TOP1MT: variants seen among roughly 807,000 people sequenced by gnomAD.
TOP1MT encodes DNA topoisomerase I, mitochondrial.
TOP1MT carries 80 observed loss-of-function variants against 73.9 expected under a neutral mutation model. That is an observed-to-expected ratio of 1.08 (90% CI 0.90 to 1.30). TOP1MT has a LOEUF of 1.30. Ranked by LOEUF, TOP1MT falls within the 50% of genes most tolerant of loss-of-function variation. The pLI is 0.00. For synonymous variants in TOP1MT, 338 were observed against 326.4 expected (o/e 1.04, Z -0.38); for missense variants, 815 against 808.0 (o/e 1.01, Z -0.10).
intron 3 of TOP1MT, among the ~76,000 whole-genome samples, chr8:143,327,990 C>T (rs1816752137): frequency 2.0e-5 from 3 of 152,146 alleles, no homozygotes; most frequent in South Asian, 4.1e-4. Flanking sequence ...TCTGTGCTGC[C>T]GAATTCAGCA....
At chr8:143,315,484 T>C (rs1245021953) in intron 12 of TOP1MT, among the ~76,000 whole-genome samples, 4 of 152,148 alleles carry the variant, frequency 2.6e-5, no homozygotes, top group African/African-American at 7.2e-5. Context: ...TTGCTTTGTA[T>C]ACAATAAATA....
upstream of TOP1MT, among the ~76,000 whole-genome samples, chr8:143,345,445 G>A (rs890801999): frequency 6.6e-6 from 1 of 152,224 alleles, no homozygotes; most frequent in Non-Finnish European, 1.5e-5. Flanking sequence ...TTGCAAACTC[G>A]ACACAGACAC....
chr8:143,356,214 C>T (rs1280498175), upstream of TOP1MT, among the ~76,000 whole-genome samples: 4 of 145,148 alleles, frequency 2.8e-5, no homozygotes, highest in African/African-American at 2.9e-5. Context: ...CCCCGGCCCA[C>T]GGCTGCTTGC....
At chr8:143,311,385 C>T (rs945369109) in intron 12 of TOP1MT, among the ~76,000 whole-genome samples, 1 of 152,110 alleles carries the variant, frequency 6.6e-6, no homozygotes, top group South Asian at 2.1e-4. Context: ...CCTTCGCACA[C>T]GCCACCATTA....
upstream of TOP1MT, among the ~76,000 whole-genome samples, chr8:143,349,302 C>A (rs1817281608): frequency 7.2e-6 from 1 of 138,798 alleles, no homozygotes; most frequent in African/African-American, 2.6e-5. Flanking sequence ...TCCCAGAGCC[C>A]CCCTCCCACC....
chr8:143,357,320 G>A (rs1209733665), upstream of TOP1MT, among the ~76,000 whole-genome samples: 2 of 151,630 alleles, frequency 1.3e-5, no homozygotes, highest in Non-Finnish European at 2.9e-5. Flanking sequence ...GCTGAGGTGG[G>A]AGGATCACTT....
chr8:143,357,191 T>C (rs1291666835), upstream of TOP1MT, among the ~76,000 whole-genome samples: 3 of 149,712 alleles, frequency 2.0e-5, no homozygotes, highest in Non-Finnish European at 4.4e-5. Context: ...CTCTTGAGCC[T>C]AGGCGTTCTA....
At chr8:143,343,972 GAC>G (rs1817176933) in intron 1 of TOP1MT, 2 of 152,448 alleles carry the variant, frequency 1.3e-5, no homozygotes. Flanking sequence ...GCAGACTGGA[GAC>G]ACAGTGAAAC....
chr8:143,342,420 G>A (rs1334840525), intron 2 of TOP1MT, among the ~76,000 whole-genome samples: 1 of 133,736 alleles, frequency 7.5e-6, no homozygotes, highest in East Asian at 2.2e-4. Flanking sequence ...TAGAGACAGA[G>A]TCTCGCTCTG....
At chr8:143,359,718 G>C (rs1022296074), upstream of TOP1MT, among the ~76,000 whole-genome samples, 5 of 152,114 alleles carry the variant, frequency 3.3e-5, no homozygotes, top group Non-Finnish European at 7.4e-5. Flanking sequence ...GGCGTCGTGC[G>C]CGGAGGGGGA....
chr8:143,353,584 T>C (rs540205428), intron 1 of TOP1MT, among the ~76,000 whole-genome samples: 1 of 152,202 alleles, frequency 6.6e-6, no homozygotes, highest in East Asian at 1.9e-4. Context: ...TCAACCAGAA[T>C]GGCCATAATG....
chr8:143,357,110 A>G (rs1817423355), upstream of TOP1MT, among the ~76,000 whole-genome samples: 1 of 148,958 alleles, frequency 6.7e-6, no homozygotes. Context: ...AAAAAAAAAA[A>G]GCTTCATGAG....
chr8:143,318,203 C>T, intron 8 of TOP1MT, 117 bp from the exon 9 acceptor site: 10 of 834,118 alleles, frequency 1.2e-5, no homozygotes, highest in East Asian at 2.5e-5. Context: ...GAAGGTGGCC[C>T]GAGCAGCATC....
Position 143,334,778 on chromosome 8 carries a change from G to A in TOP1MT, c.84C>T (p.Val28=), listed in dbSNP as rs746459873. 3.1e-6 allele frequency: 5 copies of A among 1,593,960 alleles called. No homozygotes were observed. The highest frequency in any genetic ancestry group is 2.2e-5 in the South Asian group (2 of 90,528). ...CCTTCTGCGTCCTGCGCGAGCCCGGGACACCCCGGGAGGCCGGGCGGCGGG... is the reference window on the plus strand; with the variant it reads ...CCTTCTGCGTCCTGCGCGAGCCCGGAACACCCCGGGAGGCCGGGCGGCGGG... ...EVPRRPASRG[V]PGSRRTQKGS... The change falls in exon 1 of 14, where the codon GTC becomes GTT. Residue 28 remains valine, a synonymous_variant. Coordinates refer to ENST00000329245, the MANE Select transcript of TOP1MT (RefSeq NM_052963.3).
chr8:143,340,625 G>C (rs758794191), intron 2 of TOP1MT, among the ~76,000 whole-genome samples: 9 of 152,142 alleles, frequency 5.9e-5, no homozygotes, highest in Non-Finnish European at 1.3e-4. Context: ...CTTTGCCCCA[G>C]GGCAATGGCG....
rs947644869 is a variant in TOP1MT, at chr8:143,330,471, T to C, written c.238+753A>G. The stretch of plus-strand genomic sequence containing the variant: ...CCCTGTGGAAGCTCCAGTACCGCTT[T>C]GGAGAAACAGGCTTTGAACAAAACA... On this transcript the variant is annotated intron_variant, in intron 2 of 13. Coordinates refer to ENST00000329245, the MANE Select transcript of TOP1MT (RefSeq NM_052963.3). 6.4e-4 allele frequency among the ~76,000 whole-genome samples: 97 copies of C among 152,312 alleles called. 1 individual carries two copies. The highest frequency in any genetic ancestry group is 2.2e-3 in the African/African-American group (92 of 41,566).
chr8:143,353,285 G>A (rs888123282), intron 1 of TOP1MT, among the ~76,000 whole-genome samples: 7 of 152,006 alleles, frequency 4.6e-5, no homozygotes, highest in South Asian at 2.1e-4. Context: ...GCGTGGTGAC[G>A]CACACCTGTA....
intron 8 of TOP1MT, among the ~76,000 whole-genome samples, chr8:143,320,072 C>T (rs1458553401): frequency 6.6e-6 from 1 of 151,788 alleles, no homozygotes; most frequent in Non-Finnish European, 1.5e-5. Context: ...CGCAGTCAGC[C>T]AAGATCTCAC....
At chr8:143,329,291 C>T (rs1161423325) in intron 3 of TOP1MT, 59 bp downstream of exon 3, 6 of 1,513,552 alleles carry the variant, frequency 4.0e-6, no homozygotes, top group Non-Finnish European at 5.3e-6. Context: ...CACTGCAGAA[C>T]CGCAGACGCC....
Sources: allele counts gnomAD v4.1 joint callset (sites outside exome capture counted in the v4.1 genomes callset), GRCh38; gene constraint gnomAD v4.1.1; transcripts MANE v1.5; gene names NCBI Gene and HGNC (gene_info 2026-07-23, HGNC 2026-07-21).